Variants in CSNK1A1 observed in about 807,000 individuals in gnomAD.
CSNK1A1 encodes casein kinase I isoform alpha.
In CSNK1A1, 7 loss-of-function variants were observed where a neutral mutation model predicts 46.1. The observed-to-expected ratio is 0.15, with a 90% CI of 0.09 to 0.29. CSNK1A1 has a LOEUF of 0.29. Ranked by LOEUF, CSNK1A1 falls within the 10% of genes least tolerant of loss-of-function variation. The pLI is 1.00. For synonymous variants in CSNK1A1, 137 were observed against 141.5 expected, an observed-to-expected ratio of 0.97 and a Z score of 0.23; for missense variants, 96 against 417.1, an observed-to-expected ratio of 0.23 and a Z score of 6.71.
intron 2 of CSNK1A1, among the ~76,000 whole-genome samples, chr5:149,547,866 T>G (rs1762527958): frequency 6.6e-6 from 1 of 151,930 alleles, no homozygotes; most frequent in Admixed American, 6.6e-5. Flanking sequence ...TTTTTTTTTT[T>G]GTTGTGTTTT....
intron 2 of CSNK1A1, among the ~76,000 whole-genome samples, 198 bp downstream of exon 2, chr5:149,549,877 T>G (rs1242458826): frequency 6.6e-6 from 1 of 152,156 alleles, no homozygotes; most frequent in Admixed American, 6.5e-5. Flanking sequence ...TGGAGCAGTG[T>G]AATACAATGA....
chr5:149,538,716 A>G (rs1291080438), intron 2 of CSNK1A1, among the ~76,000 whole-genome samples: 2 of 152,182 alleles, frequency 1.3e-5, no homozygotes, highest in African/African-American at 4.8e-5. Context: ...TGAGACCAGG[A>G]GTTCGAGACC....
Position 149,496,851 on chromosome 5 carries a change from G to T in CSNK1A1, c.*2C>A. The T allele has an allele frequency of 6.4e-7, 1 of 1,555,272 alleles. No homozygotes were observed. ...CTGCTTCTTCTGTTCCTCAATTCAT[G>T]CTTAGAAACCTGGTAAAAAATCAAA... is the stretch of plus-strand genomic sequence containing the variant. On this transcript the variant is annotated 3_prime_UTR_variant, in exon 10 of 10. Transcript: ENST00000377843.
At chr5:149,511,055 G>A (rs1561755601) in intron 6 of CSNK1A1, among the ~76,000 whole-genome samples, 1 of 152,150 alleles carries the variant, frequency 6.6e-6, no homozygotes, top group Non-Finnish European at 1.5e-5. Flanking sequence ...ACCAACAGTG[G>A]TGACTCACAC....
chr5:149,524,021 C>T (rs1761657122), intron 3 of CSNK1A1, among the ~76,000 whole-genome samples: 1 of 152,088 alleles, frequency 6.6e-6, no homozygotes, highest in African/African-American at 2.4e-5. Flanking sequence ...TCTCATTTTA[C>T]TTTATGACAT....
At chr5:149,532,835 C>G (rs2113149418) in intron 2 of CSNK1A1, among the ~76,000 whole-genome samples, 1 of 152,242 alleles carries the variant, frequency 6.6e-6, no homozygotes, top group Middle Eastern at 3.4e-3. Context: ...ATTTTCCTTA[C>G]CTGTCTAAAT....
At chr5:149,521,954 T>C (rs952427108) in intron 3 of CSNK1A1, among the ~76,000 whole-genome samples, 4 of 152,198 alleles carry the variant, frequency 2.6e-5, no homozygotes, top group Non-Finnish European at 5.9e-5. Flanking sequence ...CTCCACTCTT[T>C]GCCTATTTTT....
rs1760690211 is a variant in CSNK1A1, at chr5:149,497,507, CCCT to C, written c.1007-650_1007-648del. On this transcript the variant is annotated intron_variant, in intron 9 of 9. Coordinates refer to ENST00000377843, the MANE Select transcript of CSNK1A1 (RefSeq NM_001892.6). ...AAGCCTACACATTCTACAAATACTT[CCCT>C]CCTCCACCACAAGTAGACCCTAGGG... 3.0e-6 allele frequency: 3 copies of C among 985,586 alleles called. No homozygotes were observed. The African/African-American group carries it at 5.2e-5, about 17-fold the overall frequency. 61.1% of individuals were successfully genotyped at this position (985,586 alleles called of 1,614,324 possible).
intron 3 of CSNK1A1, among the ~76,000 whole-genome samples, chr5:149,524,417 G>A (rs1434011667): frequency 3.3e-5 from 5 of 151,962 alleles, no homozygotes; most frequent in Non-Finnish European, 5.9e-5. Context: ...TTCCCTTAAG[G>A]TTTGTTCCTT....
intron 2 of CSNK1A1, among the ~76,000 whole-genome samples, chr5:149,527,897 C>A (rs1761771757): frequency 6.6e-6 from 1 of 152,186 alleles, no homozygotes; most frequent in African/African-American, 2.4e-5. Context: ...CAAGTCTCAG[C>A]TCTAGACAGG....
chr5:149,497,587 A>G, intron 9 of CSNK1A1: 1 of 985,448 alleles, frequency 1.0e-6, no homozygotes, highest in South Asian at 4.7e-5. Context: ...TCAGGTCATA[A>G]CCACACTTTA....
chr5:149,538,853 C>T (rs964489619), intron 2 of CSNK1A1, among the ~76,000 whole-genome samples: 3 of 151,012 alleles, frequency 2.0e-5, no homozygotes, highest in Non-Finnish European at 2.9e-5. Context: ...ACCCAGGAGG[C>T]GGATGTTGCG....
Position 149,508,756 on chromosome 5 carries a change from G to A in CSNK1A1, c.750+1123C>T, listed in dbSNP as rs76349350. On this transcript the variant is annotated intron_variant, in intron 7 of 9. Transcript: ENST00000377843. ...TTCCAGCACTAGTTTAGGGTAAGGA[G>A]AATATTTCTTACTTTTTCTTATAGA... 0.016 allele frequency among the ~76,000 whole-genome samples: 2,413 copies of A among 152,268 alleles called. 263 individuals carry two copies. The East Asian group carries it at 0.31, about 20-fold the overall frequency.
chr5:149,545,333 CA>C (rs1762443187), intron 2 of CSNK1A1: 2 of 364,392 alleles, frequency 5.5e-6, no homozygotes, highest in African/African-American at 2.1e-5. Context: ...GACGGCAGCC[CA>C]GGGGGGTTGC....
Position 149,495,144 on chromosome 5 carries a change from G to A in CSNK1A1, c.*1709C>T, listed in dbSNP as rs1760615886. 6.6e-6 allele frequency: 1 copy of A among 151,898 alleles called. No individual in the cohort carries two copies. Among genetic ancestry groups the A allele is most frequent in the South Asian group, 2.1e-4 (1 of 4,810 alleles). 9.4% of individuals were successfully genotyped at this position (151,898 alleles called of 1,614,324 possible). A position where few individuals can be genotyped will look rare whatever the true frequency, so the allele number is the denominator to read the frequency against. ...CTTAATAAAATTTCTTCAGTATTAC[G>A]GTACTAATATCCCTTAATGGCAGAA... is the stretch of plus-strand genomic sequence containing the variant. On this transcript the variant is annotated 3_prime_UTR_variant, in exon 10 of 10. Coordinates refer to ENST00000377843, the MANE Select transcript of CSNK1A1 (RefSeq NM_001892.6).
At chr5:149,533,423 G>C (rs1435406745) in intron 2 of CSNK1A1, among the ~76,000 whole-genome samples, 1 of 152,076 alleles carries the variant, frequency 6.6e-6, no homozygotes, top group Non-Finnish European at 1.5e-5. Context: ...AGGACAGATG[G>C]CAGAGACCCA....
rs2113023425 is a variant in CSNK1A1, at chr5:149,493,849, A to AT, written c.*3003dup. On this transcript the variant is annotated 3_prime_UTR_variant, in exon 10 of 10. Coordinates refer to ENST00000377843, the MANE Select transcript of CSNK1A1 (RefSeq NM_001892.6). ...TCCTCACATCTTGATTTACATGGTTATAACTGCTTAAAAACTGGCAAAGAG... is the reference window on the plus strand; with the variant it reads ...TCCTCACATCTTGATTTACATGGTTATTAACTGCTTAAAAACTGGCAAAGAG... The AT allele has an allele frequency of 6.6e-6, 1 of 152,354 alleles. No individual in the cohort carries two copies. Among genetic ancestry groups the AT allele is most frequent in the East Asian group, 1.9e-4 (1 of 5,186 alleles). 9.4% of individuals were successfully genotyped at this position (152,354 alleles called of 1,614,324 possible).
At chr5:149,533,947 C>A (rs1177486203) in intron 2 of CSNK1A1, among the ~76,000 whole-genome samples, 1 of 152,120 alleles carries the variant, frequency 6.6e-6, no homozygotes, top group Non-Finnish European at 1.5e-5. Flanking sequence ...AATGGAGTGA[C>A]TGACAATGGG....
intron 2 of CSNK1A1, among the ~76,000 whole-genome samples, chr5:149,534,911 A>C (rs971933995): frequency 6.6e-6 from 1 of 151,380 alleles, no homozygotes; most frequent in Non-Finnish European, 1.5e-5. Flanking sequence ...TCTCCCAAAA[A>C]AAAAAAAAAA....
Sources: gnomAD v4.1 joint callset for allele counts (sites outside exome capture counted in the v4.1 genomes callset) on GRCh38, gnomAD v4.1.1 for gene constraint, MANE v1.5 for transcripts, NCBI Gene and HGNC (gene_info 2026-07-23, HGNC 2026-07-21) for gene names.